ANKRD28: variants seen among roughly 807,000 people sequenced by gnomAD.
ANKRD28 encodes serine/threonine-protein phosphatase 6 regulatory ankyrin repeat subunit A.
A neutral mutation model predicts 126.5 loss-of-function variants in ANKRD28; 44 were observed. The observed-to-expected ratio is 0.35, with a 90% CI of 0.27 to 0.45. ANKRD28 has a LOEUF of 0.45. Among genes scored for constraint, ANKRD28 ranks in the 20% least tolerant of loss-of-function variants. The probability of loss-of-function intolerance (pLI) is 1.00; values close to 1 mark genes in which losing one functional copy is unlikely to be tolerated. For synonymous variants in ANKRD28, 442 were observed against 468.5 expected (o/e 0.94, Z 0.73); for missense variants, 1,110 against 1,316.6 (o/e 0.84, Z 2.43).
At chr3:15,850,704 C>G (rs1018056589) in intron 1 of ANKRD28, among the ~76,000 whole-genome samples, 10 of 152,220 alleles carry the variant, frequency 6.6e-5, no homozygotes, top group African/African-American at 2.4e-4. Context: ...TTCTGCCATA[C>G]TTCACCCTAT....
intron 1 of ANKRD28, among the ~76,000 whole-genome samples, chr3:15,824,370 G>A (rs1264874074): frequency 6.6e-6 from 1 of 152,134 alleles, no homozygotes; most frequent in Non-Finnish European, 1.5e-5. Context: ...TGCCCAGGCT[G>A]GTCTTGAACT....
Position 15,786,315 on chromosome 3 carries a change from T to C in ANKRD28, c.201+8908A>G, listed in dbSNP as rs192798638. Among the ~76,000 whole-genome samples, 3 of 152,142 alleles carry C rather than the reference T, an allele frequency of 2.0e-5. No homozygotes were observed. The East Asian group carries it at 5.8e-4, about 29-fold the overall frequency. On this transcript the variant is annotated intron_variant, in intron 2 of 27. Transcript: ENST00000683139. ...TATGAGAAATGTCTGTATCTTCCTC[T>C]CAACACTGTTGTGAATTTAAAACTG...
In ANKRD28 at chr3:15,668,008, T is replaced by C. The variant is rs947339199; in HGVS notation, c.*2262A>G. 1.2e-4 allele frequency: 18 copies of C among 152,198 alleles called. No individual in the cohort carries two copies. Among genetic ancestry groups the C allele is most frequent in the African/African-American group, 4.1e-4 (17 of 41,444 alleles). 9.4% of individuals were successfully genotyped at this position (152,198 alleles called of 1,614,324 possible). A position where few individuals can be genotyped will look rare whatever the true frequency, so the allele number is the denominator to read the frequency against. On this transcript the variant is annotated 3_prime_UTR_variant, in exon 28 of 28. Transcript: ENST00000683139. ...GAAGACATGGCAGAATGTGCGAGAT[T>C]CATCCTTCCAACATTCTCAGGGTTC...
At chr3:15,820,073 C>G (rs1432523736) in intron 1 of ANKRD28, among the ~76,000 whole-genome samples, 1 of 152,036 alleles carries the variant, frequency 6.6e-6, no homozygotes, top group Non-Finnish European at 1.5e-5. Flanking sequence ...TGCTAAACCC[C>G]AATGAAAACA....
chr3:15,681,515 T>G (rs944582794), intron 21 of ANKRD28, among the ~76,000 whole-genome samples: 1 of 152,240 alleles, frequency 6.6e-6, no homozygotes, highest in Non-Finnish European at 1.5e-5. Flanking sequence ...ATTTCATTAG[T>G]CATTTGGGAT....
intron 3 of ANKRD28, among the ~76,000 whole-genome samples, chr3:15,752,597 T>C (rs2057924742): frequency 6.6e-6 from 1 of 152,170 alleles, no homozygotes. Context: ...TATATCTAAG[T>C]AGAGAAGAAA....
In ANKRD28 at chr3:15,797,571, G is replaced by T. The variant is rs1044690959; in HGVS notation, c.-1050C>A. On this transcript the variant is annotated 5_prime_UTR_variant, in exon 1 of 28. Coordinates refer to ENST00000683139, the MANE Select transcript of ANKRD28 (RefSeq NM_001349278.2). ...TTTTGTTTTCTTTAAAAAAAAAAAG[G>T]GGGGGGAAAAACATAGTAGTGTATC... 6.1e-6 allele frequency: 6 copies of T among 984,710 alleles called. No individual in the cohort carries two copies. The highest frequency in any genetic ancestry group is 1.1e-4 in the East Asian group (1 of 8,814). The allele number at this position is 984,710 out of a possible 1,614,324, so 61.0% of individuals were successfully genotyped here. A position where few individuals can be genotyped will look rare whatever the true frequency, so the allele number is the denominator to read the frequency against.
In ANKRD28 at chr3:15,814,282, T is replaced by C. The variant is rs1039268476; in HGVS notation, c.28-18976A>G. On this transcript the variant is annotated intron_variant, in intron 1 of 27. Coordinates refer to the ANKRD28 transcript ENST00000399451. This position sits in a 1 kb window ranked among gnomAD's most constrained non-coding sequence, Gnocchi z 4.7. ...TACTATTTTCCTCTGGTGGAGGCAG[T>C]TGTACTGTTTCAATTCCAATCACAG... The C allele has an allele frequency of 6.7e-5, 86 of 1,275,084 alleles. No homozygotes were observed. The highest frequency in any genetic ancestry group is 8.0e-5 in the Non-Finnish European group (79 of 983,958). 79.0% of individuals were successfully genotyped at this position (1,275,084 alleles called of 1,614,324 possible).
At chr3:15,766,404 AC>A (rs1322755066) in intron 2 of ANKRD28, 92 bp from the exon 3 acceptor site, 3 of 857,736 alleles carry the variant, frequency 3.5e-6, no homozygotes, top group Non-Finnish European at 5.6e-6. Context: ...CCCTCCCCCC[AC>A]CAAACCATTA....
At chr3:15,840,819 G>A (rs559866807) in intron 1 of ANKRD28, among the ~76,000 whole-genome samples, 3 of 152,326 alleles carry the variant, frequency 2.0e-5, no homozygotes, top group African/African-American at 7.2e-5. Context: ...AATGGTGCCA[G>A]GAAAACTGGA....
At chr3:15,794,377 T>C (rs1575707938) in intron 2 of ANKRD28, among the ~76,000 whole-genome samples, 1 of 151,310 alleles carries the variant, frequency 6.6e-6, no homozygotes, top group Non-Finnish European at 1.5e-5. Flanking sequence ...TTGCAATGGG[T>C]GCTTTCTTAA....
intron 1 of ANKRD28, among the ~76,000 whole-genome samples, chr3:15,821,916 A>T (rs181633982): frequency 8.4e-4 from 128 of 152,304 alleles, no homozygotes; most frequent in African/African-American, 2.9e-3. Context: ...CTAGTACTGA[A>T]GCATCTTTCC....
intron 1 of ANKRD28, among the ~76,000 whole-genome samples, chr3:15,836,956 C>T (rs529460834): frequency 2.1e-4 from 32 of 151,910 alleles, no homozygotes; most frequent in South Asian, 1.3e-3. Context: ...AAAAATTAGC[C>T]GGGCATGGTG....
chr3:15,850,224 T>TATATATATATATATATAGAG (rs1418223588), intron 1 of ANKRD28, among the ~76,000 whole-genome samples: 50 of 35,098 alleles, frequency 1.4e-3, no homozygotes, highest in Non-Finnish European at 2.3e-3. Flanking sequence ...TATATATATA[T>TATATATATATATATATAGAG]AGAGAGAGAG....
Position 15,843,783 on chromosome 3 carries a change from AAG to A in ANKRD28, c.27+15592_27+15593del, listed in dbSNP as rs1470874344. ...TGAGCCAAAAATAATAAAAAAAAAA[AAG>A]AGGCAGAAATCAAAATGTAGAAATA... On this transcript the variant is annotated intron_variant, in intron 1 of 27. Coordinates refer to the ANKRD28 transcript ENST00000399451. This position sits in a 1 kb window ranked among gnomAD's most constrained non-coding sequence, Gnocchi z 5.2. Among the ~76,000 whole-genome samples, 6 of 152,124 alleles carry A rather than the reference AAG, an allele frequency of 3.9e-5. No individual in the cohort carries two copies. The highest frequency in any genetic ancestry group is 4.1e-4 in the South Asian group (2 of 4,820).
At chr3:15,788,995 C>T (rs1317977036) in intron 2 of ANKRD28, among the ~76,000 whole-genome samples, 1 of 152,116 alleles carries the variant, frequency 6.6e-6, no homozygotes, top group African/African-American at 2.4e-5. Context: ...AAATCTAGGT[C>T]TTTCAACTTA....
chr3:15,751,795 G>T lies in ANKRD28; in HGVS notation c.306C>A (p.Ser102Arg). 1 of 1,586,422 alleles carries T rather than the reference G, an allele frequency of 6.3e-7. No individual in the cohort carries two copies. Among genetic ancestry groups the T allele is most frequent in the Non-Finnish European group, 8.6e-7 (1 of 1,165,710 alleles). ...CTCTGTGTAAAGGTGTCAACCATTT[G>T]CTGTCTTTGGCATTAACTCTAGCTC... ...LSGARVNAKDSKWLTPLHRAV... is the reference protein window; with the variant it reads ...LSGARVNAKDRKWLTPLHRAV... The change falls in exon 4 of 28, where the codon AGC (serine) becomes AGA (arginine). Residue 102 changes from serine (S) to arginine (R), a missense_variant. Coordinates refer to ENST00000683139, the MANE Select transcript of ANKRD28 (RefSeq NM_001349278.2).
At chr3:15,821,797 AT>A (rs1201915405) in intron 1 of ANKRD28, among the ~76,000 whole-genome samples, 7 of 152,162 alleles carry the variant, frequency 4.6e-5, no homozygotes, top group African/African-American at 1.7e-4. Context: ...AGATAAACTA[AT>A]ATGGACCTTA....
chr3:15,682,973 C>A (rs1403023719), intron 21 of ANKRD28, among the ~76,000 whole-genome samples: 1 of 152,192 alleles, frequency 6.6e-6, no homozygotes, highest in Non-Finnish European at 1.5e-5. Context: ...TTGCAAAATT[C>A]TGTCTCTTGC....
Sources: gnomAD v4.1 joint callset for allele counts (sites outside exome capture counted in the v4.1 genomes callset) on GRCh38, gnomAD v4.1.1 for gene constraint, Gnocchi (gnomAD v3.1) non-coding constraint, MANE v1.5 for transcripts, NCBI Gene and HGNC (gene_info 2026-07-23, HGNC 2026-07-21) for gene names.